KCNIP3: variants seen among roughly 807,000 people sequenced by gnomAD.
The protein encoded by KCNIP3 is calsenilin.
In KCNIP3, 28 loss-of-function variants were observed where a neutral mutation model predicts 35.0. The ratio of observed to expected loss-of-function variants is 0.80; its 90% CI spans 0.59 to 1.10. The LOEUF (loss-of-function observed/expected upper bound fraction) is 1.10. KCNIP3 is among the 50% of genes least tolerant of loss of function. The pLI, the probability that KCNIP3 is intolerant of heterozygous loss-of-function variation, is 0.00. For missense variants in KCNIP3, 295 were observed against 338.4 expected (o/e 0.87, Z 1.01); for synonymous variants, 134 against 133.8 (o/e 1.00, Z -0.01).
At chr2:95,323,985 G>A (rs115952647) in intron 2 of KCNIP3, among the ~76,000 whole-genome samples, 715 of 152,272 alleles carry the variant, frequency 4.7e-3, no homozygotes, top group Non-Finnish European at 7.7e-3. Flanking sequence ...TCCACACTCC[G>A]GGCCTGCACC....
At chr2:95,307,629 C>T (rs1678208559) in intron 1 of KCNIP3, among the ~76,000 whole-genome samples, 1 of 152,224 alleles carries the variant, frequency 6.6e-6, no homozygotes, top group Non-Finnish European at 1.5e-5. Flanking sequence ...GAGCTAGAAC[C>T]CAGGACACCC....
chr2:95,383,116 CCCGCCCATCCACCCA>C (rs1573525537), intron 7 of KCNIP3, 101 bp from the exon 8 acceptor site: 1 of 399,948 alleles, frequency 2.5e-6, no homozygotes, highest in Non-Finnish European at 4.7e-6. Flanking sequence ...AGGGAGCCCA[CCCGCCCATCCACCCA>C]CCCGCCCATC....
At chr2:95,374,525 C>G (rs1680124728) in intron 3 of KCNIP3, 105 bp downstream of exon 3, 11 of 1,390,610 alleles carry the variant, frequency 7.9e-6, no homozygotes, top group Non-Finnish European at 1.1e-5. Context: ...CTTTAAGGGG[C>G]TTATGTGTTG....
In KCNIP3 at chr2:95,337,362, C is replaced by T. The variant is rs116236100; in HGVS notation, c.181+26842C>T. 1.6e-3 allele frequency among the ~76,000 whole-genome samples: 249 copies of T among 151,698 alleles called. 1 individual carries two copies. The highest frequency in any genetic ancestry group is 5.9e-3 in the African/African-American group (242 of 41,324). ...AGTTGTTTTCAGTGGGCAGATTAGT[C>T]TGATGCCACCTACTCTAACATGGTT... On this transcript the variant is annotated intron_variant, in intron 2 of 8. Transcript: ENST00000295225.
chr2:95,360,190 C>CA (rs35137501), intron 2 of KCNIP3, among the ~76,000 whole-genome samples: 3,635 of 85,282 alleles, frequency 0.043, 113 homozygotes, highest in African/African-American at 0.11. Flanking sequence ...GACTCCGTCT[C>CA]AAAAAAAAAA....
chr2:95,375,221 G>A lies in KCNIP3; in HGVS notation c.447+13G>A, dbSNP rs147996754. ...CATCCACTTTGAGGTAGGTCCTCGC[G>A]GATTCCTCCCACGTGTCCTGCCCCT... On this transcript the variant is annotated intron_variant, in intron 5 of 8. Coordinates refer to ENST00000295225, the MANE Select transcript of KCNIP3 (RefSeq NM_013434.5). The A allele has an allele frequency of 4.5e-3, 7,300 of 1,612,808 alleles. 23 individuals carry two copies. Among genetic ancestry groups the A allele is most frequent in the Non-Finnish European group, 5.5e-3 (6,441 of 1,178,872 alleles).
chr2:95,306,708 G>A (rs1678181729), intron 1 of KCNIP3, among the ~76,000 whole-genome samples: 1 of 152,150 alleles, frequency 6.6e-6, no homozygotes, highest in South Asian at 2.1e-4. Context: ...GGAGGCACTG[G>A]GGCTCCCGGC....
Position 95,376,571 on chromosome 2 carries a change from C to T in KCNIP3, c.447+1363C>T, listed in dbSNP as rs1680202465. 6.6e-6 allele frequency among the ~76,000 whole-genome samples: 1 copy of T among 152,270 alleles called. No homozygotes were observed. The highest frequency in any genetic ancestry group is 2.4e-5 in the African/African-American group (1 of 41,482). The stretch of plus-strand genomic sequence containing the variant: ...CACCTTCTCAGAAGATCACTCATCC[C>T]TGGCATCTTCCTGGGCCTTCTGCAG... On this transcript the variant is annotated intron_variant, in intron 5 of 8. Coordinates refer to ENST00000295225, the MANE Select transcript of KCNIP3 (RefSeq NM_013434.5). This position sits in a 1 kb window ranked among gnomAD's most constrained non-coding sequence, Gnocchi z 4.2.
At chr2:95,316,422 A>G (rs1211072527) in intron 2 of KCNIP3, among the ~76,000 whole-genome samples, 1 of 152,142 alleles carries the variant, frequency 6.6e-6, no homozygotes. Flanking sequence ...CCCAAATAAC[A>G]GTGGCTTGAT....
intron 2 of KCNIP3, among the ~76,000 whole-genome samples, chr2:95,324,708 C>G (rs535584514): frequency 5.9e-5 from 9 of 151,824 alleles, no homozygotes; most frequent in South Asian, 4.2e-4. Flanking sequence ...GTCAGGAGTT[C>G]GAGACCAGCC....
chr2:95,378,607 A>G lies in KCNIP3; in HGVS notation c.448-2989A>G, dbSNP rs1329317306. ...AAAAAAAAAAAAAAATTAGCTGGGC[A>G]TGGTGGCGGGTGCCTATAATTCCAG... On this transcript the variant is annotated intron_variant, in intron 5 of 8. Transcript: ENST00000295225. The surrounding 1 kb of genome is among the most constrained non-coding windows in gnomAD (Gnocchi z 4.0). 1.3e-5 allele frequency among the ~76,000 whole-genome samples: 2 copies of G among 151,216 alleles called. No homozygotes were observed. Among genetic ancestry groups the G allele is most frequent in the African/African-American group, 4.9e-5 (2 of 41,212 alleles).
chr2:95,324,868 G>A (rs866541546), intron 2 of KCNIP3, among the ~76,000 whole-genome samples: 8 of 152,242 alleles, frequency 5.3e-5, no homozygotes, highest in Middle Eastern at 3.4e-3. Context: ...CTGAGATGGC[G>A]CCACTGCACT....
intron 2 of KCNIP3, 181 bp downstream of exon 2, chr2:95,310,701 A>C (rs1232331574): frequency 9.0e-6 from 6 of 668,404 alleles, no homozygotes; most frequent in Non-Finnish European, 2.6e-6. Context: ...TGCCTGCTTC[A>C]CACAGGCCAC....
At chr2:95,380,661 A>C (rs958405961) in intron 5 of KCNIP3, among the ~76,000 whole-genome samples, 1 of 152,224 alleles carries the variant, frequency 6.6e-6, no homozygotes, top group Non-Finnish European at 1.5e-5. Context: ...TATTAGTAGT[A>C]AAGTTTCCCA....
At chr2:95,306,794 T>C (rs1178932076) in intron 1 of KCNIP3, among the ~76,000 whole-genome samples, 1 of 152,114 alleles carries the variant, frequency 6.6e-6, no homozygotes, top group Non-Finnish European at 1.5e-5. Flanking sequence ...CACTGTGGGG[T>C]GAGGGGCCAG....
intron 2 of KCNIP3, among the ~76,000 whole-genome samples, chr2:95,325,801 ACATACACT>A (rs1243702889): frequency 9.9e-5 from 15 of 151,296 alleles, no homozygotes; most frequent in Non-Finnish European, 1.6e-4. Flanking sequence ...ACTCATACAC[ACATACACT>A]CATACACACA....
At chr2:95,302,294 C>CT (rs1408664828) in intron 1 of KCNIP3, among the ~76,000 whole-genome samples, 2 of 152,222 alleles carry the variant, frequency 1.3e-5, no homozygotes, top group African/African-American at 4.8e-5. Context: ...GGGGGACCCC[C>CT]TTTGCCTTTC....
intron 2 of KCNIP3, among the ~76,000 whole-genome samples, chr2:95,325,243 G>A (rs1430125662): frequency 5.9e-5 from 9 of 152,206 alleles, no homozygotes; most frequent in East Asian, 1.9e-4. Flanking sequence ...AGCATTGACC[G>A]GAATCCTGGG....
At chr2:95,317,135 G>A (rs1274212770) in intron 2 of KCNIP3, among the ~76,000 whole-genome samples, 1 of 152,154 alleles carries the variant, frequency 6.6e-6, no homozygotes, top group African/African-American at 2.4e-5. Flanking sequence ...CCCTACCTAT[G>A]CCCCCGTCCT....
Sources: allele counts gnomAD v4.1 joint callset (sites outside exome capture counted in the v4.1 genomes callset), GRCh38; gene constraint gnomAD v4.1.1; non-coding constraint Gnocchi (gnomAD v3.1); transcripts MANE v1.5; gene names NCBI Gene and HGNC (gene_info 2026-07-23, HGNC 2026-07-21).